Variants in KLHDC4 observed in about 807,000 individuals in gnomAD.
The protein encoded by KLHDC4 is kelch domain-containing protein 4.
Under a neutral mutation model 62.4 loss-of-function variants are expected in KLHDC4, and 90 were observed. That is an observed-to-expected ratio of 1.44 (90% CI 1.22 to 1.72). The LOEUF (loss-of-function observed/expected upper bound fraction) is 1.72. KLHDC4 is among the 40% of genes most tolerant of loss of function. The pLI is 0.00. For synonymous variants in KLHDC4, 386 were observed against 284.4 expected (o/e 1.36, Z -3.59); for missense variants, 1,025 against 699.7 (o/e 1.47, Z -5.25).
intron 4 of KLHDC4, among the ~76,000 whole-genome samples, chr16:87,754,570 G>C (rs192119034): frequency 6.6e-6 from 1 of 152,186 alleles, no homozygotes; most frequent in African/African-American, 2.4e-5. Context: ...CTGATGCGTT[G>C]ATCTTTCTCT....
At chr16:87,736,097 C>G (rs1245362271) in intron 5 of KLHDC4, among the ~76,000 whole-genome samples, 1 of 152,226 alleles carries the variant, frequency 6.6e-6, no homozygotes. Context: ...AACAACACAT[C>G]ATTAGGCGAC....
At chr16:87,747,426 C>T (rs1407048653) in intron 5 of KLHDC4, among the ~76,000 whole-genome samples, 1 of 152,240 alleles carries the variant, frequency 6.6e-6, no homozygotes, top group Non-Finnish European at 1.5e-5. Context: ...AATACGTGAG[C>T]TTCAAGATAT....
At chr16:87,756,721 C>CAAAAAAAAAAA (rs35385743) in intron 2 of KLHDC4, among the ~76,000 whole-genome samples, 1 of 98,812 alleles carries the variant, frequency 1.0e-5, no homozygotes, top group African/African-American at 3.5e-5. Context: ...GTTGTATTAA[C>CAAAAAAAAAAA]AAAAAAAAAA....
At chr16:87,701,848 G>A (rs1198914660) in exon 14 of KLHDC4, 3 of 456,544 alleles carry the variant, frequency 6.6e-6, no homozygotes, top group Non-Finnish European at 1.3e-5. Context: ...GTTAACAGCT[G>A]CCATCCACAC....
At chr16:87,742,604 G>A (rs1170530658) in intron 5 of KLHDC4, among the ~76,000 whole-genome samples, 1 of 152,156 alleles carries the variant, frequency 6.6e-6, no homozygotes, top group East Asian at 1.9e-4. Flanking sequence ...GGTACAAGGA[G>A]AGGTTAGGGT....
intron 5 of KLHDC4, among the ~76,000 whole-genome samples, chr16:87,733,291 C>G (rs999625485): frequency 1.3e-5 from 2 of 152,232 alleles, no homozygotes; most frequent in Non-Finnish European, 2.9e-5. Flanking sequence ...GTGACTTTCA[C>G]AACCAGAGAG....
intron 2 of KLHDC4, among the ~76,000 whole-genome samples, chr16:87,761,265 G>C (rs2045854326): frequency 1.3e-5 from 2 of 152,176 alleles, no homozygotes; most frequent in South Asian, 2.1e-4. Flanking sequence ...GAGGCCGGTG[G>C]GTGGGACTCG....
intron 6 of KLHDC4, 105 bp from the exon 7 acceptor site, chr16:87,727,029 G>GA: frequency 7.9e-7 from 1 of 1,261,758 alleles, no homozygotes; most frequent in South Asian, 1.4e-5. Context: ...ACTGTTTGGG[G>GA]AAAAACTCAA....
At position 87,709,627 on chromosome 16, in the gene KLHDC4, T is replaced by C. The variant is rs943443959; in HGVS notation, c.1085A>G (p.Lys362Arg). 2 of 1,608,408 alleles carry C rather than the reference T, an allele frequency of 1.2e-6. No individual in the cohort carries two copies. Among genetic ancestry groups the C allele is most frequent in the African/African-American group, 2.7e-5 (2 of 74,974 alleles). The change falls in exon 10 of 12, where the codon AAA (lysine) becomes AGA (arginine). Residue 362 changes from lysine (K) to arginine (R), a missense_variant. By Grantham distance (26) the Lys-to-Arg change is conservative (BLOSUM62 2). Coordinates refer to ENST00000270583, the MANE Select transcript of KLHDC4 (RefSeq NM_017566.4). The part of the protein sequence containing the change: ...SEKKKRRRGR[K>R]EEPEGGSRPA... ...CCTGCTACCACCTTCGGGCTCCTCT[T>C]TTCTGCCCCGCCTGCGTTTCTTCTT...
intron 2 of KLHDC4, among the ~76,000 whole-genome samples, chr16:87,756,721 C>CAAAAAAAAAAAAAAA (rs35385743): frequency 1.0e-5 from 1 of 98,814 alleles, no homozygotes; most frequent in Non-Finnish European, 2.2e-5. Flanking sequence ...GTTGTATTAA[C>CAAAAAAAAAAAAAAA]AAAAAAAAAA....
At chr16:87,735,036 TC>T (rs138455023) in intron 5 of KLHDC4, among the ~76,000 whole-genome samples, 2 of 71,998 alleles carry the variant, frequency 2.8e-5, no homozygotes, top group Non-Finnish European at 5.6e-5. Context: ...CGACGCCCCC[TC>T]CCCCCCAGAC....
rs1037803920 is a variant in KLHDC4, at chr16:87,702,139, G to C, written c.376C>G (p.Leu126Val). The change falls in exon 1 of 1, where the codon CTG becomes GTG. Residue 126 changes from leucine (L) to valine (V), a missense_variant. Transcript: ENST00000446344. ...TTCCCGCATGATCGTGTGTGGAACA[G>C]ACCGGGAGATTCCAGCAGATATGGG... 5.7e-5 allele frequency: 26 copies of C among 456,090 alleles called. No homozygotes were observed. In the Admixed American group the frequency reaches 5.9e-4, roughly 10 times the overall value. 28.3% of individuals were successfully genotyped at this position (456,090 alleles called of 1,614,324 possible). A position where few individuals can be genotyped will look rare whatever the true frequency, so the allele number is the denominator to read the frequency against.
At chr16:87,758,519 G>A (rs550797991) in intron 2 of KLHDC4, among the ~76,000 whole-genome samples, 2 of 152,266 alleles carry the variant, frequency 1.3e-5, no homozygotes, top group South Asian at 4.1e-4. Context: ...ACAGAAAGTT[G>A]ACCAGAAGTC....
chr16:87,717,720 C>G (rs1315326693), intron 7 of KLHDC4, among the ~76,000 whole-genome samples: 1 of 152,128 alleles, frequency 6.6e-6, no homozygotes, highest in Non-Finnish European at 1.5e-5. Flanking sequence ...GAATTGACAC[C>G]CAGAGACTTC....
chr16:87,745,464 C>T (rs193139357), intron 5 of KLHDC4, among the ~76,000 whole-genome samples: 112 of 152,388 alleles, frequency 7.3e-4, no homozygotes, highest in African/African-American at 2.6e-3. Context: ...GTACCTTCTC[C>T]CCACCAGTCA....
intron 7 of KLHDC4, among the ~76,000 whole-genome samples, chr16:87,717,323 C>T (rs1292229892): frequency 2.0e-5 from 3 of 152,188 alleles, no homozygotes; most frequent in African/African-American, 7.2e-5. Context: ...TCTGGTAGAG[C>T]AAGGAAATAT....
intron 7 of KLHDC4, among the ~76,000 whole-genome samples, chr16:87,722,847 T>A (rs1567701958): frequency 6.6e-6 from 1 of 152,130 alleles, no homozygotes; most frequent in Non-Finnish European, 1.5e-5. Context: ...TGCATGGCAG[T>A]GGGCAGGGGT....
chr16:87,705,086 C>A (rs567683991), downstream of KLHDC4, among the ~76,000 whole-genome samples: 115 of 151,044 alleles, frequency 7.6e-4, no homozygotes, highest in Middle Eastern at 3.4e-3. Flanking sequence ...TGTGGGAGGG[C>A]CGCAGCCGAG....
At chr16:87,754,176 C>A (rs1362449321) in intron 4 of KLHDC4, among the ~76,000 whole-genome samples, 8 of 151,582 alleles carry the variant, frequency 5.3e-5, no homozygotes, top group Non-Finnish European at 8.8e-5. Flanking sequence ...GTAGAAGGCA[C>A]CTTAGCCACC....
Sources: allele counts gnomAD v4.1 joint callset (sites outside exome capture counted in the v4.1 genomes callset), GRCh38; gene constraint gnomAD v4.1.1; transcripts MANE v1.5; gene names NCBI Gene and HGNC (gene_info 2026-07-23, HGNC 2026-07-21).